Variants in FER observed in about 807,000 individuals in gnomAD.
The protein encoded by FER is FER tyrosine kinase, also known as tyrosine-protein kinase Fer.
A neutral mutation model predicts 111.0 loss-of-function variants in FER; 63 were observed. That is an observed-to-expected ratio of 0.57 (90% CI 0.46 to 0.70). FER has a LOEUF of 0.70. FER is among the 30% of genes least tolerant of loss of function. The pLI is 0.00. For synonymous variants in FER, 327 were observed against 313.9 expected (o/e 1.04, Z -0.44); for missense variants, 914 against 954.0 (o/e 0.96, Z 0.55).
At chr5:108,753,838 A>G (rs1310343501) in intron 1 of FER, among the ~76,000 whole-genome samples, 1 of 152,148 alleles carries the variant, frequency 6.6e-6, no homozygotes, top group Non-Finnish European at 1.5e-5. Context: ...TAGAGAAGCA[A>G]GCACTGAACT....
rs1456114483 is a variant in FER, at chr5:108,799,206, TA to T, written c.207+822del. On this transcript the variant is annotated intron_variant, in intron 3 of 19. Transcript: ENST00000281092. ...TTAAATCCAAGATTATTCTGTCATA[TA>T]AAAATAAGGGCCAGAATTACACTGT... Among the ~76,000 whole-genome samples the T allele has an allele frequency of 2.6e-5, 4 of 152,334 alleles. No homozygotes were observed. The East Asian group carries it at 7.7e-4, about 29-fold the overall frequency.
In FER at chr5:109,079,633, CAT is replaced by C. The variant is rs1170260846; in HGVS notation, c.1925-20762_1925-20761del. 5.9e-5 allele frequency among the ~76,000 whole-genome samples: 9 copies of C among 152,078 alleles called. 1 individual carries two copies. The highest frequency in any genetic ancestry group is 5.2e-4 in the Admixed American group (8 of 15,254). On this transcript the variant is annotated intron_variant, in intron 16 of 19. Transcript: ENST00000281092. ...TGTTGTTCTGGTTTTAGAAAGAACA[CAT>C]GTCAGTGTAGATGCCAGAACCCCTA...
chr5:108,911,865 G>T (rs375533648), intron 10 of FER, among the ~76,000 whole-genome samples: 21 of 152,090 alleles, frequency 1.4e-4, no homozygotes, highest in African/African-American at 4.6e-4. Flanking sequence ...GTTATGATAT[G>T]GTTTGGCTGT....
At chr5:108,984,349 GATATAA>G (rs1048659096) in intron 13 of FER, among the ~76,000 whole-genome samples, 87 of 152,038 alleles carry the variant, frequency 5.7e-4, no homozygotes, top group African/African-American at 1.8e-3. Flanking sequence ...TAGCTCAGAA[GATATAA>G]ATATAAAAAT....
rs139727318 is a variant in FER at position 109,111,142 on chromosome 5, T to G, written c.2048+10623T>G. On this transcript the variant is annotated intron_variant, in intron 17 of 19. Transcript: ENST00000281092. Reference sequence around the variant, plus strand: ...ATCCTAGTTCATAGACCCATTGATTTTGAGAGATAAGTAAAATTAAATATG... The same window carrying G: ...ATCCTAGTTCATAGACCCATTGATTGTGAGAGATAAGTAAAATTAAATATG... Among the ~76,000 whole-genome samples, 710 of 152,268 alleles carry G rather than the reference T, an allele frequency of 4.7e-3. 6 individuals are homozygous for G. The highest frequency in any genetic ancestry group is 0.016 in the African/African-American group (678 of 41,568).
chr5:109,001,298 C>T (rs1325042884), intron 13 of FER, among the ~76,000 whole-genome samples: 4 of 152,184 alleles, frequency 2.6e-5, no homozygotes, highest in African/African-American at 9.7e-5. Flanking sequence ...ATCAAGTGGG[C>T]TTCTTCCCTG....
At position 109,060,768 on chromosome 5, in the gene FER, G is replaced by T. The variant is rs561211762; in HGVS notation, c.1924+13570G>T. 4.8e-5 allele frequency among the ~76,000 whole-genome samples: 6 copies of T among 123,856 alleles called. No individual in the cohort carries two copies. In the South Asian group the frequency reaches 1.6e-3, roughly 32 times the overall value. The allele number at this position is 123,856 out of a possible 152,430, so 81.3% of individuals were successfully genotyped here. On this transcript the variant is annotated intron_variant, in intron 16 of 19. Transcript: ENST00000281092. ...GTGTGTGCGTATGTGTGGTGTGTGT[G>T]TGTGTATATATATATATATACACAC...
In FER at chr5:108,867,082, T is replaced by G. The variant is rs572212708; in HGVS notation, c.482-685T>G. Reference sequence around the variant, plus strand: ...CAAAACTTGCTGTCTGTAGACAAGCTTATCTCTATGTAACTTTGTTCTTTC... The same window carrying G: ...CAAAACTTGCTGTCTGTAGACAAGCGTATCTCTATGTAACTTTGTTCTTTC... On this transcript the variant is annotated intron_variant, in intron 5 of 19. Coordinates refer to ENST00000281092, the MANE Select transcript of FER (RefSeq NM_005246.4). Among the ~76,000 whole-genome samples the G allele has an allele frequency of 5.3e-5, 8 of 152,244 alleles. No homozygotes were observed. The South Asian group carries it at 1.2e-3, about 24-fold the overall frequency.
At chr5:109,117,399 A>T (rs1029685343) in intron 17 of FER, among the ~76,000 whole-genome samples, 1 of 152,148 alleles carries the variant, frequency 6.6e-6, no homozygotes, top group Non-Finnish European at 1.5e-5. Context: ...CTTATAAACC[A>T]TAAGGACATT....
chr5:108,764,755 A>T (rs954616571), intron 1 of FER, among the ~76,000 whole-genome samples: 1 of 152,244 alleles, frequency 6.6e-6, no homozygotes, highest in African/African-American at 2.4e-5. Flanking sequence ...TTTAAAATAA[A>T]TATTTAGTTT....
At chr5:108,819,743 GAA>G (rs766381242) in intron 3 of FER, 519 of 963,964 alleles carry the variant, frequency 5.4e-4, no homozygotes, top group Non-Finnish European at 6.2e-4. Context: ...ATGTGAGAGA[GAA>G]AAAAAGCATT....
rs1759801464 is a variant in FER, at chr5:108,829,392, C to G, written c.208-3378C>G. ...GTGGCTCACACCTGTAATCCCAGCA[C>G]TTTGGGAGGCTGAGGTGGGAAGATC... On this transcript the variant is annotated intron_variant, in intron 3 of 19. Coordinates refer to ENST00000281092, the MANE Select transcript of FER (RefSeq NM_005246.4). 2.6e-5 allele frequency among the ~76,000 whole-genome samples: 4 copies of G among 152,166 alleles called. No individual in the cohort carries two copies. In the South Asian group the frequency reaches 8.3e-4, roughly 31 times the overall value.
chr5:109,149,232 G>A (rs553879283), intron 17 of FER, among the ~76,000 whole-genome samples: 4 of 152,190 alleles, frequency 2.6e-5, no homozygotes, highest in African/African-American at 2.4e-5. Flanking sequence ...AATGTAAAAG[G>A]TCTCTCACAA....
intron 10 of FER, among the ~76,000 whole-genome samples, chr5:108,905,138 A>T (rs1381062164): frequency 6.6e-6 from 1 of 152,102 alleles, no homozygotes; most frequent in Non-Finnish European, 1.5e-5. Flanking sequence ...ACGTTAGCCA[A>T]TGGATGATGC....
At chr5:108,901,275 G>C (rs1054769680) in intron 10 of FER, among the ~76,000 whole-genome samples, 2 of 151,946 alleles carry the variant, frequency 1.3e-5, no homozygotes, top group African/African-American at 4.8e-5. Context: ...AATGAGGAAA[G>C]CTGTGGTTAT....
chr5:108,941,422 G>T lies in FER; in HGVS notation c.1237-4708G>T, dbSNP rs555257452. Among the ~76,000 whole-genome samples the T allele has an allele frequency of 3.3e-5, 5 of 152,200 alleles. No homozygotes were observed. The South Asian group carries it at 1.0e-3, about 32-fold the overall frequency. On this transcript the variant is annotated intron_variant, in intron 10 of 19. Coordinates refer to ENST00000281092, the MANE Select transcript of FER (RefSeq NM_005246.4). ...CAAAAAGTGAGAAATTTGACCCATA[G>T]GCAAGAAAGTAGACCCAGATCTTGG...
intron 2 of FER, among the ~76,000 whole-genome samples, chr5:108,786,825 AT>A (rs921177878): frequency 1.4e-4 from 21 of 151,830 alleles, no homozygotes; most frequent in Middle Eastern, 3.4e-3. Context: ...CTTAAACCCT[AT>A]TTTTTTTCAC....
intron 5 of FER, among the ~76,000 whole-genome samples, chr5:108,845,067 T>TATATATATATATATATATATATAC (rs1486282738): frequency 9.3e-5 from 5 of 53,886 alleles, no homozygotes; most frequent in Non-Finnish European, 1.7e-4. Flanking sequence ...TATATATATA[T>TATATATATATATATATATATATAC]ACACACACAC....
rs1763592593 is a variant in FER, at chr5:108,862,221, T to A, written c.482-5546T>A. On this transcript the variant is annotated intron_variant, in intron 5 of 19. Coordinates refer to ENST00000281092, the MANE Select transcript of FER (RefSeq NM_005246.4). ...TTATTAATGACCATTGGTAAGCTGT[T>A]GGTGATTAAATTTTGGCTCTAATGA... 3.3e-5 allele frequency among the ~76,000 whole-genome samples: 5 copies of A among 152,196 alleles called. No individual in the cohort carries two copies. In the South Asian group the frequency reaches 1.0e-3, roughly 32 times the overall value.
Sources: allele counts gnomAD v4.1 joint callset (sites outside exome capture counted in the v4.1 genomes callset), GRCh38; gene constraint gnomAD v4.1.1; transcripts MANE v1.5; gene names NCBI Gene and HGNC (gene_info 2026-07-23, HGNC 2026-07-21).